Variants in REPS2 observed in about 807,000 individuals in gnomAD.
REPS2 encodes the protein ralBP1-associated Eps domain-containing protein 2.
In REPS2, 23 loss-of-function variants were observed where a neutral mutation model predicts 53.6. The ratio of observed to expected loss-of-function variants is 0.43; its 90% CI spans 0.31 to 0.61. The LOEUF (loss-of-function observed/expected upper bound fraction) is 0.61. REPS2 is among the 20% of genes least tolerant of loss of function. The pLI is 0.11. For synonymous variants in REPS2, 238 were observed against 218.6 expected, an observed-to-expected ratio of 1.09 and a Z score of -0.78; for missense variants, 446 against 534.9, an observed-to-expected ratio of 0.83 and a Z score of 1.64.
chrX:17,147,399 T>G lies in REPS2; in HGVS notation c.1915-14T>G. 1 of 1,193,245 alleles carries G rather than the reference T, an allele frequency of 8.4e-7. No homozygotes were observed. The highest frequency in any genetic ancestry group is 1.1e-6 in the Non-Finnish European group (1 of 882,141). ...CTTTGCTTTTTTGTTTTTCTTGTGT[T>G]TTGTACAACTCAGGAGGTTCATCAA... is the stretch of plus-strand genomic sequence containing the variant. On this transcript the variant is annotated splice_polypyrimidine_tract_variant and intron_variant, in intron 17 of 17. Coordinates refer to ENST00000357277, the MANE Select transcript of REPS2 (RefSeq NM_004726.3).
intron 1 of REPS2, among the ~76,000 whole-genome samples, chrX:16,966,565 A>G (rs2060773110): frequency 8.9e-6 from 1 of 112,613 alleles, no homozygotes; most frequent in East Asian, 2.8e-4. Context: ...ATGAAACAAA[A>G]TTTTGACTGT....
At chrX:17,061,334 C>T (rs2062156459) in intron 8 of REPS2, among the ~76,000 whole-genome samples, 1 of 112,027 alleles carries the variant, frequency 8.9e-6, no homozygotes, top group African/African-American at 3.2e-5. Flanking sequence ...GAAACAGGGT[C>T]TCACTATGTT....
chrX:17,116,927 C>T (rs1396368175), intron 14 of REPS2, among the ~76,000 whole-genome samples: 1 of 112,141 alleles, frequency 8.9e-6, no homozygotes, highest in Non-Finnish European at 1.9e-5. Flanking sequence ...ATTCTCAGTT[C>T]TCTGAGCTCC....
Position 17,054,841 on chromosome X carries a change from G to A in REPS2, c.1005G>A (p.Leu335=). The change falls in exon 8 of 18, where the codon CTG becomes CTA. Residue 335 remains leucine (L), a synonymous_variant. Coordinates refer to ENST00000357277, the MANE Select transcript of REPS2 (RefSeq NM_004726.3). The part of the protein sequence containing the change: ...ELSDADCDGA[L]TLPEFCAAFH... ...GTGATGCTGACTGTGATGGAGCCCT[G>A]ACCCTGCCTGAGTTCTGTGCTGCGT... 8.3e-7 allele frequency: 1 copy of A among 1,211,299 alleles called. No homozygotes were observed. Among genetic ancestry groups the A allele is most frequent in the Non-Finnish European group, 1.1e-6 (1 of 895,267 alleles).
the REPS2 span, among the ~76,000 whole-genome samples, chrX:17,169,446 G>A: frequency 1.1e-4 from 12 of 111,428 alleles, no homozygotes; most frequent in East Asian, 8.5e-4. Context: ...CTGGGGGACC[G>A]AGGCAAGAGG....
intron 13 of REPS2, 120 bp from the exon 14 acceptor site, chrX:17,103,598 T>C (rs1357081427): frequency 6.6e-6 from 4 of 602,846 alleles, no homozygotes; most frequent in Non-Finnish European, 1.1e-5. Context: ...TCAGAAGGAC[T>C]GTAAAAACTT....
intron 5 of REPS2, among the ~76,000 whole-genome samples, chrX:17,041,500 A>G (rs762988377): frequency 5.3e-4 from 59 of 111,707 alleles, no homozygotes; most frequent in African/African-American, 1.8e-3. Flanking sequence ...CCCATTAGCT[A>G]TCCTTTTCTT....
the REPS2 span, among the ~76,000 whole-genome samples, chrX:17,171,942 A>G: frequency 2.2e-3 from 247 of 111,725 alleles, no homozygotes; most frequent in Non-Finnish European, 3.9e-3. Context: ...AATAATAATA[A>G]TGATGGTGGT....
At chrX:16,958,380 T>C (rs2060622487) in intron 1 of REPS2, among the ~76,000 whole-genome samples, 1 of 111,566 alleles carries the variant, frequency 9.0e-6, no homozygotes, top group Admixed American at 9.6e-5. Flanking sequence ...GATCAAACTT[T>C]GAAACCAAGG....
intron 17 of REPS2, 29 bp downstream of exon 17, chrX:17,138,990 C>T (rs1305580115): frequency 3.0e-6 from 3 of 985,084 alleles, no homozygotes; most frequent in Non-Finnish European, 4.2e-6. Flanking sequence ...ATTTGGATGA[C>T]CAGGCTTTTC....
chrX:17,171,884 T>C, the REPS2 span, among the ~76,000 whole-genome samples: 927 of 111,268 alleles, frequency 8.3e-3, 6 homozygotes, highest in Middle Eastern at 0.041. Context: ...AACCTAAGAA[T>C]AATACTGGGA....
chrX:17,183,947 C>T, the REPS2 span, among the ~76,000 whole-genome samples: 1 of 111,817 alleles, frequency 8.9e-6, no homozygotes, highest in Admixed American at 9.5e-5. Context: ...ATTTGGATCT[C>T]TGCAAACAGG....
chrX:17,088,665 T>G (rs1014841924), intron 13 of REPS2, among the ~76,000 whole-genome samples: 2 of 105,909 alleles, frequency 1.9e-5, no homozygotes. Flanking sequence ...CTCGGCTCAC[T>G]GCAAGCTCTG....
At chrX:17,053,630 C>G (rs751102108) in intron 7 of REPS2, among the ~76,000 whole-genome samples, 26 of 112,182 alleles carry the variant, frequency 2.3e-4, no homozygotes, top group Non-Finnish European at 4.3e-4. Context: ...GCATGAGCCA[C>G]CATGCCCGGC....
chrX:17,119,868 CTTTTTT>C (rs35141257), intron 14 of REPS2, among the ~76,000 whole-genome samples: 5 of 40,516 alleles, frequency 1.2e-4, no homozygotes, highest in African/African-American at 6.0e-4. Flanking sequence ...CGCACTGTGA[CTTTTTT>C]TTTTTTTTTT....
chrX:17,169,324 T>C, the REPS2 span, among the ~76,000 whole-genome samples: 3 of 111,926 alleles, frequency 2.7e-5, no homozygotes, highest in South Asian at 3.7e-4. Context: ...CCATGGTGAA[T>C]TGGGGGTACA....
chrX:16,965,128 C>T (rs1434877226), intron 1 of REPS2, among the ~76,000 whole-genome samples: 5 of 88,345 alleles, frequency 5.7e-5, no homozygotes, highest in Non-Finnish European at 9.1e-5. Context: ...GGCGGCTGGC[C>T]GGGTGGGGGG....
chrX:16,955,501 A>G (rs1161714393), intron 1 of REPS2, among the ~76,000 whole-genome samples: 1 of 112,021 alleles, frequency 8.9e-6, no homozygotes, highest in Non-Finnish European at 1.9e-5. Context: ...TAAAGCCACA[A>G]TCAAGGTGTC....
chrX:17,103,948 C>G (rs1345662019), intron 14 of REPS2, among the ~76,000 whole-genome samples, 169 bp downstream of exon 14: 1 of 111,380 alleles, frequency 9.0e-6, no homozygotes, highest in East Asian at 2.8e-4. Flanking sequence ...CCAGCCAGCT[C>G]CCCAGCCTCA....
Sources: gnomAD v4.1 joint callset for allele counts (sites outside exome capture counted in the v4.1 genomes callset) on GRCh38, gnomAD v4.1.1 for gene constraint, MANE v1.5 for transcripts, NCBI Gene and HGNC (gene_info 2026-07-23, HGNC 2026-07-21) for gene names.